Variants in MYOZ2 observed in about 807,000 individuals in gnomAD.
MYOZ2 encodes the protein myozenin-2.
MYOZ2 carries 19 observed loss-of-function variants against 25.4 expected under a neutral mutation model. The ratio of observed to expected loss-of-function variants is 0.75; its 90% CI spans 0.52 to 1.10. The LOEUF (loss-of-function observed/expected upper bound fraction) is 1.10, where lower values mean the gene tolerates loss of function less well. Ranked by LOEUF, MYOZ2 falls within the 50% of genes least tolerant of loss-of-function variation. The probability of loss-of-function intolerance (pLI) is 0.00; values close to 1 mark genes in which losing one functional copy is unlikely to be tolerated. For missense variants in MYOZ2, 270 were observed against 317.9 expected (o/e 0.85, Z 1.15); for synonymous variants, 92 against 106.9 (o/e 0.86, Z 0.86).
rs368536538 is a variant in MYOZ2 at position 119,178,170 on chromosome 4, CT to C, written c.561-7791del. On this transcript the variant is annotated intron_variant, in intron 5 of 5. Coordinates refer to ENST00000307128, the MANE Select transcript of MYOZ2 (RefSeq NM_016599.5). ...TCCAAGAAATAATTTTGTTCCTTGG[CT>C]TTTTGATCATCAAACTCCCCAGATC... 2.8e-3 allele frequency among the ~76,000 whole-genome samples: 433 copies of C among 152,260 alleles called. 3 individuals are homozygous for C. The highest frequency in any genetic ancestry group is 0.01 in the African/African-American group (416 of 41,540).
chr4:119,180,821 G>T (rs1742173565), intron 5 of MYOZ2, among the ~76,000 whole-genome samples: 1 of 152,094 alleles, frequency 6.6e-6, no homozygotes, highest in South Asian at 2.1e-4. Context: ...CTCCCAAAGT[G>T]CTGGGATTAT....
At chr4:119,140,983 T>A (rs1480670482) in intron 2 of MYOZ2, among the ~76,000 whole-genome samples, 3 of 152,194 alleles carry the variant, frequency 2.0e-5, no homozygotes, top group Non-Finnish European at 4.4e-5. Flanking sequence ...GAACTTTTTA[T>A]CAATTGGAGT....
At chr4:119,177,342 A>T (rs373512342) in intron 5 of MYOZ2, among the ~76,000 whole-genome samples, 19 of 152,344 alleles carry the variant, frequency 1.2e-4, no homozygotes, top group African/African-American at 4.6e-4. Context: ...ATAAAAAGAC[A>T]TAGTTTTGCT....
chr4:119,179,140 C>A (rs1025173952), intron 5 of MYOZ2, among the ~76,000 whole-genome samples: 8 of 152,220 alleles, frequency 5.3e-5, no homozygotes, highest in Admixed American at 1.3e-4. Flanking sequence ...AACTTGTTAT[C>A]ATGGCCTGGA....
intron 4 of MYOZ2, among the ~76,000 whole-genome samples, chr4:119,162,392 G>A (rs116287483): frequency 0.022 from 3,395 of 152,264 alleles, 55 homozygotes; most frequent in South Asian, 0.057. Context: ...TGGCCAGTTA[G>A]GAAGGTCTCC....
At chr4:119,165,425 C>A (rs1435259452) in intron 5 of MYOZ2, among the ~76,000 whole-genome samples, 1 of 151,888 alleles carries the variant, frequency 6.6e-6, no homozygotes, top group African/African-American at 2.4e-5. Context: ...GTGGGAGGAT[C>A]ACTGGAGCCC....
chr4:119,177,541 T>A (rs897990850), intron 5 of MYOZ2, among the ~76,000 whole-genome samples: 3 of 152,156 alleles, frequency 2.0e-5, no homozygotes, highest in Non-Finnish European at 2.9e-5. Flanking sequence ...ATCCTATACC[T>A]CACCCTACTC....
chr4:119,175,265 A>G (rs1196444634), intron 5 of MYOZ2, among the ~76,000 whole-genome samples: 1 of 152,194 alleles, frequency 6.6e-6, no homozygotes, highest in Non-Finnish European at 1.5e-5. Flanking sequence ...TAAAAAGGGG[A>G]AAAGCAATCC....
At chr4:119,172,432 G>A (rs1004917364) in intron 5 of MYOZ2, among the ~76,000 whole-genome samples, 10 of 152,188 alleles carry the variant, frequency 6.6e-5, no homozygotes, top group African/African-American at 2.4e-4. Flanking sequence ...TGAAATCAGA[G>A]TGAGTCGAAG....
intron 5 of MYOZ2, among the ~76,000 whole-genome samples, chr4:119,172,561 C>T (rs1009109236): frequency 6.6e-6 from 1 of 152,180 alleles, no homozygotes; most frequent in African/African-American, 2.4e-5. Flanking sequence ...ATATCTCAAA[C>T]ACTGTTCTAA....
intron 3 of MYOZ2, among the ~76,000 whole-genome samples, chr4:119,152,197 A>AG (rs760956680): frequency 6.6e-6 from 1 of 151,976 alleles, no homozygotes; most frequent in Admixed American, 6.6e-5. Flanking sequence ...TATAGTATTT[A>AG]TACTTGTGAA....
chr4:119,165,460 G>C (rs1000028917), intron 5 of MYOZ2, among the ~76,000 whole-genome samples: 4 of 151,924 alleles, frequency 2.6e-5, no homozygotes, highest in Non-Finnish European at 5.9e-5. Flanking sequence ...GCAGTGAGCT[G>C]AAATCATGTA....
chr4:119,175,028 C>T (rs1429413119), intron 5 of MYOZ2, among the ~76,000 whole-genome samples: 3 of 151,944 alleles, frequency 2.0e-5, no homozygotes, highest in Non-Finnish European at 4.4e-5. Flanking sequence ...ACTCCGAACA[C>T]ATCCGAACAT....
chr4:119,184,972 T>C (rs955870185), intron 5 of MYOZ2, among the ~76,000 whole-genome samples: 3 of 152,162 alleles, frequency 2.0e-5, no homozygotes, highest in African/African-American at 7.2e-5. Flanking sequence ...GGAATGTGGC[T>C]AAGAAAGTGG....
chr4:119,185,707 C>A (rs2149230700), intron 5 of MYOZ2, among the ~76,000 whole-genome samples: 1 of 152,194 alleles, frequency 6.6e-6, no homozygotes, highest in African/African-American at 2.4e-5. Flanking sequence ...ATAGATTAGT[C>A]CAAAACTAAT....
intron 5 of MYOZ2, among the ~76,000 whole-genome samples, chr4:119,172,542 G>A (rs934318105): frequency 6.6e-6 from 1 of 152,150 alleles, no homozygotes; most frequent in Non-Finnish European, 1.5e-5. Context: ...CGAGTACAGG[G>A]TTTACAAAAT....
chr4:119,163,494 T>C lies in MYOZ2; in HGVS notation c.377-717T>C, dbSNP rs1341546029. ...CATGTGAAAAAGGTTTAAAGATCTA[T>C]GCCAAGAATTTCCGTGACTTTTAAA... On this transcript the variant is annotated intron_variant, in intron 4 of 5. Transcript: ENST00000307128. Among the ~76,000 whole-genome samples the C allele has an allele frequency of 3.3e-5, 5 of 152,208 alleles. No individual in the cohort carries two copies. In the South Asian group the frequency reaches 6.2e-4, roughly 19 times the overall value.
chr4:119,158,280 C>T (rs1335261303), intron 4 of MYOZ2, 129 bp downstream of exon 4: 2 of 1,297,512 alleles, frequency 1.5e-6, no homozygotes, highest in African/African-American at 1.5e-5. Flanking sequence ...TGTTTTTGGG[C>T]CCCAGGCACG....
At chr4:119,177,189 A>G (rs1223615779) in intron 5 of MYOZ2, among the ~76,000 whole-genome samples, 1 of 152,212 alleles carries the variant, frequency 6.6e-6, no homozygotes, top group Non-Finnish European at 1.5e-5. Flanking sequence ...GTAGTTCGCC[A>G]TTATGATCAT....
Sources: allele counts gnomAD v4.1 joint callset (sites outside exome capture counted in the v4.1 genomes callset), GRCh38; gene constraint gnomAD v4.1.1; transcripts MANE v1.5; gene names NCBI Gene and HGNC (gene_info 2026-07-23, HGNC 2026-07-21).